SNTG1: variants seen among roughly 807,000 people sequenced by gnomAD.
The protein encoded by SNTG1 is gamma-1-syntrophin.
A neutral mutation model predicts 74.7 loss-of-function variants in SNTG1; 39 were observed. The ratio of observed to expected loss-of-function variants is 0.52; its 90% CI spans 0.40 to 0.68. SNTG1 has a LOEUF of 0.68. Among genes scored for constraint, SNTG1 ranks in the 30% least tolerant of loss-of-function variants. SNTG1 has a pLI of 0.00. For synonymous variants in SNTG1, 254 were observed against 217.1 expected (o/e 1.17, Z -1.49); for missense variants, 685 against 609.5 (o/e 1.12, Z -1.30).
At chr8:49,997,886 A>G (rs1814380514) in intron 1 of SNTG1, among the ~76,000 whole-genome samples, 3 of 152,196 alleles carry the variant, frequency 2.0e-5, no homozygotes, top group African/African-American at 7.2e-5. Context: ...TCTCACCTGA[A>G]GTCTAGACGC....
intron 12 of SNTG1, among the ~76,000 whole-genome samples, chr8:50,578,663 T>C (rs552578200): frequency 6.6e-6 from 1 of 152,242 alleles, no homozygotes; most frequent in South Asian, 2.1e-4. Flanking sequence ...AGCGAGTGAG[T>C]TCTCACAAGA....
At chr8:50,177,913 T>C (rs1170374298) in intron 2 of SNTG1, among the ~76,000 whole-genome samples, 1 of 152,194 alleles carries the variant, frequency 6.6e-6, no homozygotes, top group Admixed American at 6.5e-5. Flanking sequence ...AATGATCTTT[T>C]CACTGTCTCT....
intron 2 of SNTG1, among the ~76,000 whole-genome samples, chr8:50,192,365 A>AT (rs1454593046): frequency 6.6e-6 from 1 of 152,006 alleles, no homozygotes; most frequent in African/African-American, 2.4e-5. Context: ...AGTTAGGCCC[A>AT]TTTTGTTGTT....
intron 4 of SNTG1, among the ~76,000 whole-genome samples, chr8:50,413,705 A>C (rs544906010): frequency 2.6e-5 from 4 of 152,178 alleles, no homozygotes; most frequent in African/African-American, 9.7e-5. Flanking sequence ...ATTTGGATGG[A>C]TGTTAGATCA....
intron 2 of SNTG1, among the ~76,000 whole-genome samples, chr8:50,237,922 C>T (rs1265744728): frequency 9.2e-5 from 14 of 152,116 alleles, no homozygotes; most frequent in Admixed American, 9.2e-4. Context: ...CTCATTACTA[C>T]TCAAACAGTC....
chr8:50,779,482 A>C (rs2095651788), intron 18 of SNTG1, among the ~76,000 whole-genome samples: 1 of 151,992 alleles, frequency 6.6e-6, no homozygotes, highest in South Asian at 2.1e-4. Flanking sequence ...ATGGGAGTTC[A>C]CTCATTATTT....
chr8:49,976,698 C>T (rs565839959), intron 1 of SNTG1, among the ~76,000 whole-genome samples: 24 of 152,094 alleles, frequency 1.6e-4, no homozygotes, highest in African/African-American at 2.2e-4. Flanking sequence ...AGAGCGGAGG[C>T]GCCCAGGTAG....
chr8:50,027,245 T>G (rs1277154507), intron 1 of SNTG1, among the ~76,000 whole-genome samples: 1 of 152,134 alleles, frequency 6.6e-6, no homozygotes, highest in Non-Finnish European at 1.5e-5. Flanking sequence ...TCTCTATGCC[T>G]CACTGTTTGC....
intron 8 of SNTG1, among the ~76,000 whole-genome samples, chr8:50,459,469 G>A (rs2093539991): frequency 6.6e-6 from 1 of 151,978 alleles, no homozygotes. Context: ...GAATTTTCAT[G>A]TATTTTTCTC....
At chr8:50,202,048 A>G (rs1462819355) in intron 2 of SNTG1, among the ~76,000 whole-genome samples, 2 of 152,130 alleles carry the variant, frequency 1.3e-5, no homozygotes, top group Non-Finnish European at 2.9e-5. Flanking sequence ...TTTTGCATTT[A>G]GCCTTATAGA....
At chr8:50,001,709 A>C (rs1192445486) in intron 1 of SNTG1, among the ~76,000 whole-genome samples, 1 of 152,172 alleles carries the variant, frequency 6.6e-6, no homozygotes, top group Non-Finnish European at 1.5e-5. Context: ...TGCACCAATA[A>C]CTTCCCTCTG....
intron 15 of SNTG1, among the ~76,000 whole-genome samples, chr8:50,700,929 T>C (rs976082058): frequency 3.3e-5 from 5 of 152,166 alleles, no homozygotes; most frequent in Admixed American, 3.3e-4. Flanking sequence ...GATTAGAGGA[T>C]GCTTTGTCTG....
intron 1 of SNTG1, among the ~76,000 whole-genome samples, chr8:50,045,252 A>AT (rs556891248): frequency 4.0e-4 from 61 of 152,244 alleles, no homozygotes; most frequent in Non-Finnish European, 7.5e-4. Flanking sequence ...TAATTGGCTC[A>AT]TTTTTTCTGC....
intron 13 of SNTG1, among the ~76,000 whole-genome samples, chr8:50,598,822 C>A (rs1265707632): frequency 6.6e-6 from 1 of 151,660 alleles, no homozygotes; most frequent in East Asian, 1.9e-4. Context: ...TTAAGTATTT[C>A]TCTGTGGCCA....
intron 17 of SNTG1, among the ~76,000 whole-genome samples, chr8:50,734,710 A>G (rs2095521415): frequency 6.9e-6 from 1 of 144,952 alleles, no homozygotes; most frequent in East Asian, 2.0e-4. Context: ...ATATCTCTCT[A>G]TATATGGACA....
chr8:50,417,149 G>A (rs151188109), intron 4 of SNTG1, among the ~76,000 whole-genome samples: 8 of 152,136 alleles, frequency 5.3e-5, no homozygotes, highest in South Asian at 2.1e-4. Context: ...AGTTTGAACC[G>A]CCATGATATA....
At chr8:50,672,097 T>G (rs1207031126) in intron 15 of SNTG1, among the ~76,000 whole-genome samples, 2 of 149,196 alleles carry the variant, frequency 1.3e-5, no homozygotes, top group East Asian at 2.0e-4. Context: ...TAATGCTAAA[T>G]GACAAGTTAA....
chr8:50,025,677 T>G (rs1023807893), intron 1 of SNTG1, among the ~76,000 whole-genome samples: 1 of 152,216 alleles, frequency 6.6e-6, no homozygotes, highest in Non-Finnish European at 1.5e-5. Flanking sequence ...GAAAATCTCA[T>G]ATTTTTATAA....
In SNTG1 at chr8:49,976,880, C is replaced by A. The variant is rs191295087; in HGVS notation, c.-103+64649C>A. Among the ~76,000 whole-genome samples, 51 of 152,258 alleles carry A rather than the reference C, an allele frequency of 3.3e-4. 1 individual carries two copies. Among genetic ancestry groups the A allele is most frequent in the Admixed American group, 2.2e-3 (34 of 15,298 alleles). Reference sequence around the variant, plus strand: ...ATGCTTTCTTTGATTTTGAAGAGATCATTCTGGCTACTATGTGCAGAAACG... The same window carrying A: ...ATGCTTTCTTTGATTTTGAAGAGATAATTCTGGCTACTATGTGCAGAAACG... On this transcript the variant is annotated intron_variant, in intron 1 of 18. Transcript: ENST00000642720.
Sources: allele counts gnomAD v4.1 joint callset (sites outside exome capture counted in the v4.1 genomes callset), GRCh38; gene constraint gnomAD v4.1.1; transcripts MANE v1.5; gene names NCBI Gene and HGNC (gene_info 2026-07-23, HGNC 2026-07-21).